PAK3: variants seen among roughly 807,000 people sequenced by gnomAD.
PAK3 encodes the protein p21 (RAC1) activated kinase 3.
Under a neutral mutation model 41.0 loss-of-function variants are expected in PAK3, and 4 were observed. That is an observed-to-expected ratio of 0.10 (90% CI 0.05 to 0.22). The LOEUF (loss-of-function observed/expected upper bound fraction) is 0.22. Among genes scored for constraint, PAK3 ranks in the 10% least tolerant of loss-of-function variants. The probability of loss-of-function intolerance (pLI) is 1.00; values close to 1 mark genes in which losing one functional copy is unlikely to be tolerated. For synonymous variants in PAK3, 146 were observed against 139.6 expected (o/e 1.05, Z -0.32); for missense variants, 205 against 409.9 (o/e 0.50, Z 4.32).
chrX:110,947,856 C>T (rs1169357889), intron 1 of PAK3, among the ~76,000 whole-genome samples: 1 of 111,463 alleles, frequency 9.0e-6, no homozygotes, highest in Admixed American at 9.5e-5. Context: ...CCAGGCTTTC[C>T]TTCCTTCCCC....
intron 1 of PAK3, among the ~76,000 whole-genome samples, chrX:111,082,899 T>C (rs2092846551): frequency 8.9e-6 from 1 of 112,298 alleles, no homozygotes; most frequent in South Asian, 3.7e-4. Context: ...TCTAGCTTTG[T>C]ATCTTCTATG....
chrX:111,182,094 T>C (rs1189332583), intron 11 of PAK3, among the ~76,000 whole-genome samples: 1 of 111,576 alleles, frequency 9.0e-6, no homozygotes, highest in Non-Finnish European at 1.9e-5. Flanking sequence ...TTAGCAGAGT[T>C]TGCACGTTAA....
At chrX:111,137,468 TA>T (rs1249968475) in intron 5 of PAK3, among the ~76,000 whole-genome samples, 1 of 111,226 alleles carries the variant, frequency 9.0e-6, no homozygotes, top group Non-Finnish European at 1.9e-5. Context: ...TCTTTTTTTT[TA>T]AGTTCTCAGA....
At chrX:111,024,686 A>G (rs1219729865) in intron 1 of PAK3, among the ~76,000 whole-genome samples, 1 of 111,324 alleles carries the variant, frequency 9.0e-6, no homozygotes, top group Non-Finnish European at 1.9e-5. Context: ...ATAGACAGCA[A>G]CAAAATAATT....
chrX:110,961,308 A>G (rs770340046), intron 1 of PAK3, among the ~76,000 whole-genome samples: 1 of 111,797 alleles, frequency 8.9e-6, no homozygotes, highest in African/African-American at 3.2e-5. Flanking sequence ...AATTGCTTGG[A>G]AATCTTACAA....
At chrX:111,014,285 C>T (rs2092055574) in intron 1 of PAK3, among the ~76,000 whole-genome samples, 1 of 111,704 alleles carries the variant, frequency 9.0e-6, no homozygotes, top group African/African-American at 3.2e-5. Context: ...TCCATTTGTT[C>T]ATTTGTCTGT....
At chrX:111,092,875 G>A (rs1359667366), upstream of PAK3, among the ~76,000 whole-genome samples, 1 of 111,372 alleles carries the variant, frequency 9.0e-6, no homozygotes, top group Non-Finnish European at 1.9e-5. Context: ...GATTCCTTGA[G>A]TTGGAATTGC....
intron 1 of PAK3, among the ~76,000 whole-genome samples, chrX:111,066,113 T>C (rs1413336610): frequency 8.9e-6 from 1 of 111,930 alleles, no homozygotes; most frequent in East Asian, 2.8e-4. Flanking sequence ...AGTTTGTTCT[T>C]GTTTTTCTAG....
chrX:111,006,636 T>C (rs772285421), intron 1 of PAK3, among the ~76,000 whole-genome samples: 1 of 111,131 alleles, frequency 9.0e-6, no homozygotes, highest in South Asian at 3.8e-4. Flanking sequence ...TTGGGTTCAG[T>C]CAAATAGAGG....
chrX:111,034,249 G>C (rs983831434), intron 1 of PAK3, among the ~76,000 whole-genome samples: 6 of 110,347 alleles, frequency 5.4e-5, no homozygotes, highest in Admixed American at 9.7e-5. Context: ...GTTGGGGGTC[G>C]GGGAAAGAGA....
At chrX:111,218,279 A>G (rs1347825132) in intron 17 of PAK3, among the ~76,000 whole-genome samples, 1 of 112,281 alleles carries the variant, frequency 8.9e-6, no homozygotes, top group Non-Finnish European at 1.9e-5. Context: ...TTTGTAAAGC[A>G]TAAGTGCAGT....
At chrX:111,005,399 G>C (rs758344542) in intron 1 of PAK3, among the ~76,000 whole-genome samples, 2 of 111,534 alleles carry the variant, frequency 1.8e-5, no homozygotes, top group African/African-American at 6.5e-5. Context: ...CATTGAAGCC[G>C]GTAGACTGAC....
chrX:111,003,867 C>G (rs866123415), intron 1 of PAK3, among the ~76,000 whole-genome samples: 4 of 112,365 alleles, frequency 3.6e-5, no homozygotes, highest in African/African-American at 1.3e-4. Flanking sequence ...AGGACACATT[C>G]TGCAACGAGA....
intron 10 of PAK3, among the ~76,000 whole-genome samples, chrX:111,165,569 C>A (rs1024893619): frequency 8.9e-6 from 1 of 112,199 alleles, no homozygotes; most frequent in Non-Finnish European, 1.9e-5. Context: ...TCCGAACTGT[C>A]TATTTTTGTA....
chrX:111,087,768 A>C (rs1422473234), intron 1 of PAK3, among the ~76,000 whole-genome samples: 223 of 2,885 alleles, frequency 0.077, 2 homozygotes, highest in South Asian at 0.17. Flanking sequence ...AAAAAAAACA[A>C]AAAAAAAAAA....
At chrX:111,139,754 T>C (rs1352872735) in intron 5 of PAK3, among the ~76,000 whole-genome samples, 1 of 112,257 alleles carries the variant, frequency 8.9e-6, no homozygotes, top group Admixed American at 9.4e-5. Context: ...ACAAATATTT[T>C]GCCAATACTA....
chrX:111,020,808 G>T (rs1211556139), intron 1 of PAK3, among the ~76,000 whole-genome samples: 2 of 111,248 alleles, frequency 1.8e-5, no homozygotes, highest in African/African-American at 6.6e-5. Context: ...GTGCTGTTGT[G>T]GGGGTATGGT....
chrX:111,013,002 C>T (rs1226151756), intron 1 of PAK3, among the ~76,000 whole-genome samples: 5 of 111,771 alleles, frequency 4.5e-5, no homozygotes, highest in African/African-American at 1.3e-4. Flanking sequence ...CAGGTTGGGC[C>T]GAAGCAAGCC....
intron 5 of PAK3, among the ~76,000 whole-genome samples, chrX:111,125,448 T>C (rs182266655): frequency 9.0e-6 from 1 of 111,575 alleles, no homozygotes; most frequent in East Asian, 2.8e-4. Flanking sequence ...GTTATTATCA[T>C]AAGTGATGAT....
Sources: gnomAD v4.1 joint callset for allele counts (sites outside exome capture counted in the v4.1 genomes callset) on GRCh38, gnomAD v4.1.1 for gene constraint, MANE v1.5 for transcripts, NCBI Gene and HGNC (gene_info 2026-07-23, HGNC 2026-07-21) for gene names.